The following KANSL1L variants were observed in gnomAD, a reference collection of about 807,000 sequenced individuals.
KANSL1L encodes the protein KAT8 regulatory NSL complex subunit 1-like protein.
KANSL1L carries 25 observed loss-of-function variants against 108.6 expected under a neutral mutation model. The observed-to-expected ratio is 0.23, with a 90% CI of 0.17 to 0.32. The LOEUF (loss-of-function observed/expected upper bound fraction) is 0.32, where lower values mean the gene tolerates loss of function less well. Ranked by LOEUF, KANSL1L falls within the 10% of genes least tolerant of loss-of-function variation. The pLI is 1.00. For synonymous variants in KANSL1L, 405 were observed against 395.1 expected (o/e 1.03, Z -0.30); for missense variants, 1,137 against 1,125.7 (o/e 1.01, Z -0.14).
intron 5 of KANSL1L, chr2:210,089,167 A>G (rs1039376324): frequency 2.0e-5 from 3 of 152,370 alleles, no homozygotes; most frequent in South Asian, 2.1e-4. Context: ...TTATTTAAAC[A>G]ATTCTTCCCA....
chr2:210,140,051 G>C (rs2125586927), intron 2 of KANSL1L, among the ~76,000 whole-genome samples: 1 of 152,066 alleles, frequency 6.6e-6, no homozygotes, highest in Middle Eastern at 3.4e-3. Flanking sequence ...TCTTACTATT[G>C]AGTAATTTAA....
intron 6 of KANSL1L, among the ~76,000 whole-genome samples, chr2:210,068,994 C>T (rs1045241263): frequency 2.0e-5 from 3 of 152,200 alleles, no homozygotes; most frequent in African/African-American, 7.2e-5. Context: ...TTTTCCAAAT[C>T]ATCAAAGCTC....
intron 6 of KANSL1L, among the ~76,000 whole-genome samples, chr2:210,061,257 T>C (rs557805385): frequency 7.1e-4 from 108 of 152,298 alleles, no homozygotes; most frequent in African/African-American, 2.3e-3. Context: ...TACAACCCGC[T>C]TCTATAGAAA....
chr2:210,072,413 T>G (rs544495407), intron 6 of KANSL1L, among the ~76,000 whole-genome samples: 1 of 152,302 alleles, frequency 6.6e-6, no homozygotes, highest in South Asian at 2.1e-4. Flanking sequence ...GTATATATAG[T>G]TACTATATGC....
intron 1 of KANSL1L, among the ~76,000 whole-genome samples, chr2:210,162,461 G>A (rs908252603): frequency 1.3e-5 from 2 of 151,918 alleles, no homozygotes; most frequent in East Asian, 3.9e-4. Context: ...AAAAATTTCT[G>A]TTTTGGATAT....
chr2:210,124,189 C>G (rs1194157985), intron 3 of KANSL1L, among the ~76,000 whole-genome samples: 6 of 152,094 alleles, frequency 3.9e-5, no homozygotes, highest in African/African-American at 2.4e-5. Flanking sequence ...TTCTACCCAA[C>G]AACAACCACA....
intron 6 of KANSL1L, among the ~76,000 whole-genome samples, chr2:210,049,295 C>T (rs2094261426): frequency 6.6e-6 from 1 of 151,918 alleles, no homozygotes; most frequent in African/African-American, 2.4e-5. Flanking sequence ...CCCCCCACCC[C>T]TCCACCCACC....
At chr2:210,032,147 CTTCT>C (rs1374668602) in intron 8 of KANSL1L, 2 of 152,182 alleles carry the variant, frequency 1.3e-5, no homozygotes, top group African/African-American at 4.8e-5. Context: ...ACCAAATTGG[CTTCT>C]TTTTTTGAAA....
intron 5 of KANSL1L, among the ~76,000 whole-genome samples, chr2:210,079,481 A>G (rs2094565760): frequency 1.3e-5 from 2 of 150,188 alleles, no homozygotes. Context: ...CTATAATCCT[A>G]GCTACTCTGG....
chr2:210,161,071 C>T (rs976219666), intron 1 of KANSL1L, among the ~76,000 whole-genome samples: 1 of 151,466 alleles, frequency 6.6e-6, no homozygotes, highest in African/African-American at 2.4e-5. Context: ...TCACCGCAAC[C>T]TCCGCCTCCC....
intron 2 of KANSL1L, among the ~76,000 whole-genome samples, chr2:210,135,514 A>C (rs2095165641): frequency 6.6e-6 from 1 of 152,160 alleles, no homozygotes; most frequent in Admixed American, 6.6e-5. Context: ...GTCCTTGAAA[A>C]TAAAACGTGA....
chr2:210,106,096 A>C (rs1033257066), intron 3 of KANSL1L, among the ~76,000 whole-genome samples: 1 of 152,130 alleles, frequency 6.6e-6, no homozygotes, highest in South Asian at 2.1e-4. Context: ...AAATATTTCA[A>C]TTTTTTTCTG....
intron 5 of KANSL1L, among the ~76,000 whole-genome samples, chr2:210,080,804 C>T (rs912548983): frequency 3.3e-5 from 5 of 151,848 alleles, no homozygotes; most frequent in African/African-American, 1.2e-4. Flanking sequence ...TCCCTTGTCC[C>T]TTTTTGCCTT....
chr2:210,078,727 GA>G (rs2094559365), intron 5 of KANSL1L, among the ~76,000 whole-genome samples: 1 of 152,094 alleles, frequency 6.6e-6, no homozygotes, highest in African/African-American at 2.4e-5. Context: ...AAAACATGAG[GA>G]AAATCCTGAG....
chr2:210,141,425 G>C (rs1183791393), intron 2 of KANSL1L, among the ~76,000 whole-genome samples: 1 of 152,036 alleles, frequency 6.6e-6, no homozygotes, highest in African/African-American at 2.4e-5. Flanking sequence ...TTTATCATGA[G>C]ATTAATACTC....
intron 6 of KANSL1L, chr2:210,064,485 TTTACCTCTACCTCTTCCATC>T (rs2094448605): frequency 6.6e-6 from 1 of 151,966 alleles, no homozygotes; most frequent in Non-Finnish European, 1.5e-5. Context: ...TTCCTATCAG[TTTACCTCTACCTCTTCCATC>T]TTACTGCTCT....
intron 2 of KANSL1L, among the ~76,000 whole-genome samples, chr2:210,141,786 CCTT>C (rs1206077653): frequency 6.6e-6 from 1 of 152,076 alleles, no homozygotes; most frequent in Non-Finnish European, 1.5e-5. Flanking sequence ...TCTGTCAAAT[CCTT>C]CTTCTGCAAA....
At chr2:210,057,458 T>C (rs1365830718) in intron 6 of KANSL1L, among the ~76,000 whole-genome samples, 1 of 152,028 alleles carries the variant, frequency 6.6e-6, no homozygotes, top group African/African-American at 2.4e-5. Context: ...TCCCAGTACT[T>C]TGGGAGGCTG....
chr2:210,119,649 A>G (rs1228904872), intron 3 of KANSL1L, among the ~76,000 whole-genome samples: 1 of 152,210 alleles, frequency 6.6e-6, no homozygotes, highest in Non-Finnish European at 1.5e-5. Context: ...CCTTCATGAT[A>G]AAAACCTTCA....
Sources: allele counts gnomAD v4.1 joint callset (sites outside exome capture counted in the v4.1 genomes callset), GRCh38; gene constraint gnomAD v4.1.1; transcripts MANE v1.5; gene names NCBI Gene and HGNC (gene_info 2026-07-23, HGNC 2026-07-21).